Variants in HS3ST3A1 observed in about 807,000 individuals in gnomAD.
HS3ST3A1 encodes heparan sulfate-glucosamine 3-sulfotransferase 3A1.
A neutral mutation model predicts 25.7 loss-of-function variants in HS3ST3A1; 19 were observed. The ratio of observed to expected loss-of-function variants is 0.74; its 90% CI spans 0.52 to 1.08. The LOEUF (loss-of-function observed/expected upper bound fraction) is 1.08, where lower values mean the gene tolerates loss of function less well. Among genes scored for constraint, HS3ST3A1 ranks in the 50% least tolerant of loss-of-function variants. The probability of loss-of-function intolerance (pLI) is 0.00; values close to 1 mark genes in which losing one functional copy is unlikely to be tolerated. For missense variants in HS3ST3A1, 459 were observed against 594.3 expected (o/e 0.77, Z 2.37); for synonymous variants, 226 against 278.6 (o/e 0.81, Z 1.88).
intron 1 of HS3ST3A1, among the ~76,000 whole-genome samples, chr17:13,586,291 T>C (rs912812354): frequency 2.0e-5 from 3 of 152,104 alleles, no homozygotes; most frequent in Non-Finnish European, 1.5e-5. Flanking sequence ...TTCCCATGCA[T>C]ACCGCACTGC....
chr17:13,543,370 G>C, intron 1 of HS3ST3A1, among the ~76,000 whole-genome samples: 1 of 152,056 alleles, frequency 6.6e-6, no homozygotes, highest in East Asian at 2.0e-4. Context: ...GGAGAATGTA[G>C]TGTCAGAAGT....
At chr17:13,547,463 G>C (rs1907121142) in intron 1 of HS3ST3A1, among the ~76,000 whole-genome samples, 1 of 152,134 alleles carries the variant, frequency 6.6e-6, no homozygotes, top group African/African-American at 2.4e-5. Context: ...ACAATGGCCA[G>C]TGATTTAGTT....
intron 1 of HS3ST3A1, among the ~76,000 whole-genome samples, chr17:13,529,465 AT>A (rs1211332825): frequency 6.6e-6 from 1 of 151,968 alleles, no homozygotes; most frequent in Non-Finnish European, 1.5e-5. Flanking sequence ...TTAAAAAAAA[AT>A]TACCAAACTG....
At chr17:13,551,627 G>T (rs941985873) in intron 1 of HS3ST3A1, among the ~76,000 whole-genome samples, 2 of 143,136 alleles carry the variant, frequency 1.4e-5, no homozygotes, top group African/African-American at 2.8e-5. Flanking sequence ...AAAAAAAAAG[G>T]GGGGGGGGTA....
chr17:13,553,271 C>A (rs749556944), intron 1 of HS3ST3A1, among the ~76,000 whole-genome samples: 2 of 152,174 alleles, frequency 1.3e-5, no homozygotes, highest in East Asian at 1.9e-4. Flanking sequence ...GGACAGGAAG[C>A]GCTGATGCCC....
At chr17:13,578,162 T>G (rs112564529) in intron 1 of HS3ST3A1, among the ~76,000 whole-genome samples, 1 of 152,038 alleles carries the variant, frequency 6.6e-6, no homozygotes, top group African/African-American at 2.4e-5. Context: ...AGTTAAACAT[T>G]GAACAATAAG....
chr17:13,563,041 T>G (rs979529134), intron 1 of HS3ST3A1, among the ~76,000 whole-genome samples: 1 of 150,816 alleles, frequency 6.6e-6, no homozygotes, highest in African/African-American at 2.4e-5. Flanking sequence ...CATAGATTCT[T>G]GAAGGTCCAC....
intron 1 of HS3ST3A1, among the ~76,000 whole-genome samples, chr17:13,600,064 A>G (rs570868369): frequency 9.2e-5 from 14 of 152,314 alleles, no homozygotes; most frequent in Non-Finnish European, 1.9e-4. Context: ...TAGGACAACT[A>G]TCTGGCAAAA....
chr17:13,594,987 G>C (rs1261148272), intron 1 of HS3ST3A1, among the ~76,000 whole-genome samples: 1 of 152,196 alleles, frequency 6.6e-6, no homozygotes, highest in Non-Finnish European at 1.5e-5. Flanking sequence ...AAAGCGGGCT[G>C]TTCGAGTCGG....
chr17:13,515,641 A>C lies in HS3ST3A1; in HGVS notation c.600-18823T>G, dbSNP rs563388779. Among the ~76,000 whole-genome samples, 12 of 152,270 alleles carry C rather than the reference A, an allele frequency of 7.9e-5. No individual in the cohort carries two copies. In the East Asian group the frequency reaches 2.1e-3, roughly 27 times the overall value. On this transcript the variant is annotated intron_variant, in intron 1 of 1. Transcript: ENST00000284110. ...GAGGTTGTATGTGAATACAAGTTTTACCATAGGCTAAATAGTAAGGAGCAA... is the reference window on the plus strand; with the variant it reads ...GAGGTTGTATGTGAATACAAGTTTTCCCATAGGCTAAATAGTAAGGAGCAA...
intron 1 of HS3ST3A1, among the ~76,000 whole-genome samples, chr17:13,593,480 C>A (rs886259129): frequency 8.5e-5 from 13 of 152,124 alleles, no homozygotes; most frequent in Non-Finnish European, 1.5e-4. Context: ...TAGGAGGGAG[C>A]CGTGAGCCAA....
chr17:13,500,060 T>C (rs1044131626), intron 1 of HS3ST3A1, among the ~76,000 whole-genome samples: 1 of 149,720 alleles, frequency 6.7e-6, no homozygotes, highest in Non-Finnish European at 1.5e-5. Flanking sequence ...AAAAGGGATA[T>C]AAAATTTTTT....
chr17:13,520,285 T>C (rs1334015981), intron 1 of HS3ST3A1, among the ~76,000 whole-genome samples: 1 of 152,252 alleles, frequency 6.6e-6, no homozygotes. Flanking sequence ...TCATGTCTGC[T>C]TAAGCAGTGA....
chr17:13,596,410 C>T (rs1250483958), intron 1 of HS3ST3A1, among the ~76,000 whole-genome samples: 1 of 74,850 alleles, frequency 1.3e-5, no homozygotes, highest in Admixed American at 1.8e-4. Context: ...TGAGGGTGTG[C>T]GCGTGCGTAC....
chr17:13,514,740 A>G (rs1905996432), intron 1 of HS3ST3A1, among the ~76,000 whole-genome samples: 1 of 152,210 alleles, frequency 6.6e-6, no homozygotes, highest in African/African-American at 2.4e-5. Context: ...GGGTAAGACT[A>G]CAAAGTGATA....
At chr17:13,501,683 T>C (rs1465932633) in intron 1 of HS3ST3A1, among the ~76,000 whole-genome samples, 2 of 152,166 alleles carry the variant, frequency 1.3e-5, no homozygotes, top group Non-Finnish European at 1.5e-5. Flanking sequence ...AGGTTCAAAA[T>C]TCCTGGACTG....
Position 13,494,921 on chromosome 17 carries a change from T to C in HS3ST3A1, c.*1276A>G, listed in dbSNP as rs145911177. Among the ~76,000 whole-genome samples, 3 of 152,230 alleles carry C rather than the reference T, an allele frequency of 2.0e-5. No individual in the cohort carries two copies. Among genetic ancestry groups the C allele is most frequent in the African/African-American group, 7.2e-5 (3 of 41,534 alleles). The stretch of plus-strand genomic sequence containing the variant: ...ACTGAACATTAGGTTATAAATGGTA[T>C]AAATAGGAAGTGGGAGGGGGGAATA... On this transcript the variant is annotated 3_prime_UTR_variant, in exon 2 of 2. Coordinates refer to ENST00000284110, the MANE Select transcript of HS3ST3A1 (RefSeq NM_006042.3).
rs564412471 is a variant in HS3ST3A1, at chr17:13,505,922, T to C, written c.600-9104A>G. ...GCCTGTAATCCCAGTACTCAGGAGG[T>C]TGAGGCAGGAGAATGAATCACTTGA... On this transcript the variant is annotated intron_variant, in intron 1 of 1. Coordinates refer to ENST00000284110, the MANE Select transcript of HS3ST3A1 (RefSeq NM_006042.3). 7.7e-4 allele frequency among the ~76,000 whole-genome samples: 116 copies of C among 151,214 alleles called. 1 individual carries two copies. The highest frequency in any genetic ancestry group is 2.5e-3 in the African/African-American group (104 of 41,190).
Position 13,569,157 on chromosome 17 carries a change from C to G in HS3ST3A1, c.599+31374G>C, listed in dbSNP as rs1337785231. On this transcript the variant is annotated intron_variant, in intron 1 of 1. Transcript: ENST00000284110. ...CAGTGGCCAAATTCCTGAATCCCAG[C>G]TTTCAACCCAGGTCTTTTCTCCTGT... Among the ~76,000 whole-genome samples the G allele has an allele frequency of 2.0e-5, 3 of 152,272 alleles. No homozygotes were observed. The East Asian group carries it at 5.8e-4, about 29-fold the overall frequency.
Sources: gnomAD v4.1 joint callset for allele counts (sites outside exome capture counted in the v4.1 genomes callset) on GRCh38, gnomAD v4.1.1 for gene constraint, MANE v1.5 for transcripts, NCBI Gene and HGNC (gene_info 2026-07-23, HGNC 2026-07-21) for gene names.